ENPP6: variants seen among roughly 807,000 people sequenced by gnomAD.
The protein encoded by ENPP6 is ectonucleotide pyrophosphatase/phosphodiesterase 6.
Under a neutral mutation model 42.0 loss-of-function variants are expected in ENPP6, and 32 were observed. The observed-to-expected ratio is 0.76, with a 90% CI of 0.58 to 1.02. The LOEUF (loss-of-function observed/expected upper bound fraction) is 1.02. Ranked by LOEUF, ENPP6 falls within the 50% of genes least tolerant of loss-of-function variation. The pLI is 0.00. For missense variants in ENPP6, 552 were observed against 566.8 expected, an observed-to-expected ratio of 0.97 and a Z score of 0.27; for synonymous variants, 213 against 216.0, an observed-to-expected ratio of 0.99 and a Z score of 0.12.
chr4:184,180,878 T>G (rs1440038401), intron 1 of ENPP6, among the ~76,000 whole-genome samples: 1 of 152,176 alleles, frequency 6.6e-6, no homozygotes, highest in Non-Finnish European at 1.5e-5. Context: ...TAAGAGCCAT[T>G]TATGACAAAT....
chr4:184,092,356 C>T (rs752471109), intron 7 of ENPP6, among the ~76,000 whole-genome samples: 7 of 152,122 alleles, frequency 4.6e-5, no homozygotes, highest in Non-Finnish European at 1.0e-4. Context: ...GGAAAATGAG[C>T]AAACTGGTAT....
chr4:184,208,547 C>T (rs951850865), intron 1 of ENPP6, among the ~76,000 whole-genome samples: 14 of 152,208 alleles, frequency 9.2e-5, no homozygotes, highest in Non-Finnish European at 1.8e-4. Context: ...TAAAAAACGG[C>T]GGACCACGAG....
chr4:184,212,679 A>G (rs1276840618), intron 1 of ENPP6, among the ~76,000 whole-genome samples: 3 of 151,726 alleles, frequency 2.0e-5, no homozygotes. Context: ...TAATTTACAG[A>G]TTCAATGCCA....
At chr4:184,191,886 T>C (rs754598376) in intron 1 of ENPP6, among the ~76,000 whole-genome samples, 5 of 152,268 alleles carry the variant, frequency 3.3e-5, no homozygotes, top group Non-Finnish European at 7.4e-5. Context: ...CCATTCACAT[T>C]AACGTCAAAA....
chr4:184,113,898 CT>C (rs374762392), intron 5 of ENPP6, among the ~76,000 whole-genome samples: 1 of 122,738 alleles, frequency 8.1e-6, no homozygotes, highest in Non-Finnish European at 1.8e-5. Context: ...TCCTTTCTTT[CT>C]TTTCTTTCTT....
chr4:184,100,329 T>G (rs764946959), intron 6 of ENPP6, among the ~76,000 whole-genome samples: 7 of 152,188 alleles, frequency 4.6e-5, no homozygotes, highest in Non-Finnish European at 7.3e-5. Context: ...CTCAAGGGCA[T>G]ACAGCTGAGG....
At chr4:184,195,602 C>T (rs1732782262) in intron 1 of ENPP6, among the ~76,000 whole-genome samples, 1 of 152,190 alleles carries the variant, frequency 6.6e-6, no homozygotes, top group Admixed American at 6.5e-5. Flanking sequence ...TCCCCGTCCC[C>T]ACAGCCCCTG....
chr4:184,144,201 C>G (rs1177680874), intron 2 of ENPP6, among the ~76,000 whole-genome samples: 1 of 152,244 alleles, frequency 6.6e-6, no homozygotes, highest in South Asian at 2.1e-4. Context: ...CTCTGGCATT[C>G]TCCTCTGAGG....
At chr4:184,168,281 T>A (rs568206222) in intron 1 of ENPP6, among the ~76,000 whole-genome samples, 1 of 152,062 alleles carries the variant, frequency 6.6e-6, no homozygotes, top group East Asian at 1.9e-4. Context: ...CCGCACGATG[T>A]CTGGCGCGGA....
intron 1 of ENPP6, among the ~76,000 whole-genome samples, chr4:184,210,041 G>C (rs1321825509): frequency 4.6e-5 from 7 of 150,868 alleles, no homozygotes; most frequent in African/African-American, 1.7e-4. Context: ...AATGCTGAGA[G>C]ATTTTGTCAC....
chr4:184,131,136 A>ACTTTCTTTCTCTTT (rs1426151263), intron 2 of ENPP6, among the ~76,000 whole-genome samples: 1 of 125,280 alleles, frequency 8.0e-6, no homozygotes, highest in Admixed American at 7.7e-5. Flanking sequence ...TTCCACCAGC[A>ACTTTCTTTCTCTTT]CTTACTTTCT....
intron 2 of ENPP6, among the ~76,000 whole-genome samples, chr4:184,141,818 C>G (rs746647296): frequency 1.1e-4 from 17 of 152,160 alleles, no homozygotes; most frequent in Admixed American, 2.0e-4. Context: ...AAACATATAA[C>G]TTCCACCCAT....
chr4:184,143,085 G>A (rs1230756969), intron 2 of ENPP6, among the ~76,000 whole-genome samples: 4 of 152,192 alleles, frequency 2.6e-5, no homozygotes, highest in African/African-American at 9.6e-5. Flanking sequence ...GCACCACACG[G>A]TTTTCCTGAC....
intron 3 of ENPP6, among the ~76,000 whole-genome samples, chr4:184,119,880 C>T (rs1330081788): frequency 2.0e-5 from 3 of 152,172 alleles, no homozygotes; most frequent in Non-Finnish European, 4.4e-5. Flanking sequence ...TTCCCTTCTG[C>T]CATGATTGTA....
chr4:184,193,982 C>T (rs149398865), intron 1 of ENPP6, among the ~76,000 whole-genome samples: 7 of 152,276 alleles, frequency 4.6e-5, no homozygotes, highest in East Asian at 1.9e-4. Flanking sequence ...TGCTGAGATC[C>T]TAATGCTATT....
intron 1 of ENPP6, among the ~76,000 whole-genome samples, chr4:184,181,500 G>GA (rs1285910878): frequency 1.3e-5 from 2 of 151,998 alleles, no homozygotes; most frequent in Admixed American, 6.6e-5. Context: ...CACAGAATTA[G>GA]AAAAAAACTA....
chr4:184,193,015 G>A (rs1159651524), intron 1 of ENPP6, among the ~76,000 whole-genome samples: 1 of 152,168 alleles, frequency 6.6e-6, no homozygotes, highest in Non-Finnish European at 1.5e-5. Flanking sequence ...GGAGATGTCA[G>A]AACCTCACAC....
intron 1 of ENPP6, 56 bp from the exon 2 acceptor site, chr4:184,153,789 T>G: frequency 4.5e-6 from 7 of 1,561,924 alleles, no homozygotes; most frequent in Non-Finnish European, 6.1e-6. Context: ...TCTATTTTTA[T>G]CTTTGTTTCT....
rs538859107 is a variant in ENPP6 at position 184,211,225 on chromosome 4, A to G, written c.241+6354T>C. On this transcript the variant is annotated intron_variant, in intron 1 of 7. Transcript: ENST00000296741. ...ATTCAAAAGCTAGCAGAAGGCAAGA[A>G]ATAACCAAAATCAGAGCAGAACTGA... Among the ~76,000 whole-genome samples the G allele has an allele frequency of 3.9e-5, 6 of 152,286 alleles. No homozygotes were observed. In the East Asian group the frequency reaches 1.2e-3, roughly 29 times the overall value.
Sources: allele counts gnomAD v4.1 joint callset (sites outside exome capture counted in the v4.1 genomes callset), GRCh38; gene constraint gnomAD v4.1.1; transcripts MANE v1.5; gene names NCBI Gene and HGNC (gene_info 2026-07-23, HGNC 2026-07-21).